The following DPP10 variants were observed in gnomAD, a reference collection of about 807,000 sequenced individuals.
DPP10 encodes the protein inactive dipeptidyl peptidase 10.
Under a neutral mutation model 120.9 loss-of-function variants are expected in DPP10, and 33 were observed. The observed-to-expected ratio is 0.27, with a 90% CI of 0.21 to 0.37. DPP10 has a LOEUF of 0.37. Among genes scored for constraint, DPP10 ranks in the 10% least tolerant of loss-of-function variants. The pLI, the probability that DPP10 is intolerant of heterozygous loss-of-function variation, is 1.00. For missense variants in DPP10, 816 were observed against 942.8 expected, an observed-to-expected ratio of 0.87 and a Z score of 1.76; for synonymous variants, 337 against 326.1, an observed-to-expected ratio of 1.03 and a Z score of -0.36.
intron 1 of DPP10, among the ~76,000 whole-genome samples, chr2:114,982,462 G>A (rs1275201100): frequency 6.6e-6 from 1 of 152,100 alleles, no homozygotes; most frequent in African/African-American, 2.4e-5. Context: ...TTTTATGATT[G>A]TAGTGACGGA....
chr2:115,249,955 CAGAA>C (rs2058685449), intron 1 of DPP10, among the ~76,000 whole-genome samples: 1 of 152,124 alleles, frequency 6.6e-6, no homozygotes, highest in Non-Finnish European at 1.5e-5. Flanking sequence ...AGTTACTAGA[CAGAA>C]AGAAATCTAT....
chr2:114,956,174 A>G (rs1441894140), intron 1 of DPP10, among the ~76,000 whole-genome samples: 2 of 152,136 alleles, frequency 1.3e-5, no homozygotes, highest in East Asian at 1.9e-4. Flanking sequence ...TGCTGATGGC[A>G]TATTCCTATG....
At chr2:115,665,953 G>T (rs569849356) in intron 5 of DPP10, among the ~76,000 whole-genome samples, 196 of 151,818 alleles carry the variant, frequency 1.3e-3, no homozygotes, top group African/African-American at 4.2e-3. Context: ...TGGGTAAATT[G>T]TGTGTCACAG....
intron 1 of DPP10, among the ~76,000 whole-genome samples, chr2:114,503,212 G>A (rs999956292): frequency 3.9e-5 from 6 of 152,168 alleles, no homozygotes; most frequent in African/African-American, 1.4e-4. Context: ...TATAAAAGGA[G>A]GGATGTGCAC....
chr2:115,401,397 T>C (rs1424573475), intron 3 of DPP10, among the ~76,000 whole-genome samples: 1 of 152,102 alleles, frequency 6.6e-6, no homozygotes, highest in Non-Finnish European at 1.5e-5. Context: ...CTGGGTAACA[T>C]AGAGAAGTCT....
At chr2:115,061,368 A>C (rs1328612046) in intron 1 of DPP10, among the ~76,000 whole-genome samples, 2 of 152,234 alleles carry the variant, frequency 1.3e-5, no homozygotes, top group East Asian at 3.9e-4. Flanking sequence ...TGGCTTTTGC[A>C]GCTGACAGTT....
At chr2:114,987,844 C>T (rs914802507) in intron 1 of DPP10, among the ~76,000 whole-genome samples, 7 of 106,266 alleles carry the variant, frequency 6.6e-5, no homozygotes, top group Non-Finnish European at 1.1e-4. Flanking sequence ...CGCTCTGTCG[C>T]CCAGGCTGGA....
intron 1 of DPP10, among the ~76,000 whole-genome samples, chr2:114,843,788 C>A (rs912189544): frequency 6.6e-6 from 1 of 152,030 alleles, no homozygotes; most frequent in Non-Finnish European, 1.5e-5. Flanking sequence ...CTTTCCCTGC[C>A]GAGGGAGATT....
chr2:115,132,660 G>A (rs1357811217), intron 1 of DPP10, among the ~76,000 whole-genome samples: 1 of 152,044 alleles, frequency 6.6e-6, no homozygotes, highest in Non-Finnish European at 1.5e-5. Flanking sequence ...ATATAATGAG[G>A]TGTGTCCAAC....
rs187658806 is a variant in DPP10, at chr2:115,676,730, A to C, written c.442-12957A>C. Among the ~76,000 whole-genome samples the C allele has an allele frequency of 3.0e-4, 45 of 152,310 alleles. No individual in the cohort carries two copies. The East Asian group carries it at 8.3e-3, about 28-fold the overall frequency. ...AAGAAAACAAATATTGGAATCATGGAAGTTCCACATTAAGCAGAGAAGAAG... is the reference window on the plus strand; with the variant it reads ...AAGAAAACAAATATTGGAATCATGGCAGTTCCACATTAAGCAGAGAAGAAG... On this transcript the variant is annotated intron_variant, in intron 5 of 25. Coordinates refer to ENST00000410059, the MANE Select transcript of DPP10 (RefSeq NM_020868.6).
intron 7 of DPP10, among the ~76,000 whole-genome samples, chr2:115,699,499 G>A (rs2149527831): frequency 6.6e-6 from 1 of 152,320 alleles, no homozygotes; most frequent in East Asian, 1.9e-4. Flanking sequence ...CTACTCAGGA[G>A]GCTGAGGCAA....
chr2:114,882,921 G>A (rs1274066892), intron 1 of DPP10, among the ~76,000 whole-genome samples: 5 of 152,180 alleles, frequency 3.3e-5, no homozygotes, highest in Non-Finnish European at 7.4e-5. Context: ...CTTTCCTGAT[G>A]TCTAAAGCTA....
chr2:114,981,958 G>T (rs1424609428), intron 1 of DPP10, among the ~76,000 whole-genome samples: 1 of 151,220 alleles, frequency 6.6e-6, no homozygotes, highest in East Asian at 2.0e-4. Flanking sequence ...CAGTGGCCCG[G>T]ATCTCAGCTC....
chr2:115,645,225 T>A (rs1168648069), intron 5 of DPP10, among the ~76,000 whole-genome samples: 1 of 152,192 alleles, frequency 6.6e-6, no homozygotes, highest in Admixed American at 6.5e-5. Flanking sequence ...CAAGCCCAAG[T>A]CCCAAATGTG....
intron 3 of DPP10, among the ~76,000 whole-genome samples, chr2:115,481,745 G>T (rs933339900): frequency 6.6e-6 from 1 of 151,730 alleles, no homozygotes; most frequent in African/African-American, 2.4e-5. Flanking sequence ...TATTTTCAGG[G>T]TTCATCTATC....
chr2:115,426,853 C>G (rs2070518747), intron 3 of DPP10, among the ~76,000 whole-genome samples: 1 of 152,170 alleles, frequency 6.6e-6, no homozygotes, highest in Admixed American at 6.5e-5. Context: ...AGAGTTAATT[C>G]AAAAGTCCAA....
intron 3 of DPP10, among the ~76,000 whole-genome samples, chr2:115,418,198 G>C (rs2069602491): frequency 6.6e-6 from 1 of 152,108 alleles, no homozygotes; most frequent in Admixed American, 6.5e-5. Flanking sequence ...CTCATTTTTT[G>C]ATTGTCATTG....
intron 3 of DPP10, among the ~76,000 whole-genome samples, chr2:115,393,770 G>A (rs2067481344): frequency 6.6e-6 from 1 of 152,214 alleles, no homozygotes; most frequent in Non-Finnish European, 1.5e-5. Context: ...GACTTGATCT[G>A]TCTAGGGTGG....
At chr2:115,543,526 A>G (rs1309519092) in intron 5 of DPP10, among the ~76,000 whole-genome samples, 2 of 152,002 alleles carry the variant, frequency 1.3e-5, no homozygotes, top group Admixed American at 6.6e-5. Flanking sequence ...TAAATACTAG[A>G]TATTTGATTT....
Sources: allele counts gnomAD v4.1 joint callset (sites outside exome capture counted in the v4.1 genomes callset), GRCh38; gene constraint gnomAD v4.1.1; transcripts MANE v1.5; gene names NCBI Gene and HGNC (gene_info 2026-07-23, HGNC 2026-07-21).